Variants in IAH1 observed in about 807,000 individuals in gnomAD.
IAH1 encodes the protein isoamyl acetate hydrolyzing esterase 1 (putative).
In IAH1, 24 loss-of-function variants were observed where a neutral mutation model predicts 26.7. The observed-to-expected ratio is 0.90, with a 90% confidence interval of 0.65 to 1.26. The LOEUF is 1.26. Ranked by LOEUF, IAH1 falls within the 50% of genes most tolerant of loss-of-function variation. The probability of loss-of-function intolerance (pLI) is 0.00; values close to 1 mark genes in which losing one functional copy is unlikely to be tolerated. For missense variants in IAH1, 300 were observed against 299.9 expected (o/e 1.00, Z 0.00); for synonymous variants, 140 against 118.5 (o/e 1.18, Z -1.18).
the IAH1 span, among the ~76,000 whole-genome samples, chr2:9,504,306 G>A: frequency 3.3e-5 from 5 of 151,816 alleles, no homozygotes; most frequent in African/African-American, 9.7e-5. Context: ...TCAGCCAGGC[G>A]TGATGGTGCG....
At chr2:9,485,053 C>G (rs1572849368) in intron 5 of IAH1, 1 of 154,132 alleles carries the variant, frequency 6.5e-6, no homozygotes, top group Non-Finnish European at 1.4e-5. Flanking sequence ...CACACATACA[C>G]TTAGGGAGGA....
chr2:9,483,377 G>T (rs1185512019), intron 4 of IAH1, among the ~76,000 whole-genome samples: 1 of 152,152 alleles, frequency 6.6e-6, no homozygotes, highest in Non-Finnish European at 1.5e-5. Flanking sequence ...CCAAGTAGCT[G>T]GAACCACAGG....
downstream of IAH1, among the ~76,000 whole-genome samples, chr2:9,498,606 A>G (rs117247273): frequency 2.1e-4 from 32 of 152,332 alleles, no homozygotes; most frequent in East Asian, 5.4e-3. Context: ...GTTTCAAACA[A>G]AAGTGATGGT....
chr2:9,488,353 G>A lies in IAH1; in HGVS notation c.*24G>A, dbSNP rs1661753707. The A allele has an allele frequency of 1.3e-6, 2 of 1,558,150 alleles. No individual in the cohort carries two copies. Among genetic ancestry groups the A allele is most frequent in the Admixed American group, 2.1e-5 (1 of 48,048 alleles). On this transcript the variant is annotated 3_prime_UTR_variant, in exon 6 of 6. Coordinates refer to ENST00000497473, the MANE Select transcript of IAH1 (RefSeq NM_001039613.3). ...AGCCAATCACAGGAGACCCAAATCT[G>A]CTTGTTATCTACAGAACTCAAAGTT...
At position 9,484,490 on chromosome 2, in the gene IAH1, AG is replaced by A; in HGVS notation, c.505del (p.Val169TrpfsTer15). ...GTGAATATGCCAATGCGTGTTTACA[AG>A]TGGCCCAAGACTGTGGGACTGACGT... is the stretch of plus-strand genomic sequence containing the variant. The part of the protein sequence containing the change: ...VGEYANACLQ[V>X]AQDCGTDVLD... On this transcript the variant is annotated frameshift_variant, in exon 5 of 6. Coordinates refer to ENST00000497473, the MANE Select transcript of IAH1 (RefSeq NM_001039613.3). LOFTEE classifies it high-confidence loss of function. 1 of 1,614,212 alleles carries A rather than the reference AG, an allele frequency of 6.2e-7. No individual in the cohort carries two copies. The highest frequency in any genetic ancestry group is 8.5e-7 in the Non-Finnish European group (1 of 1,180,038).
the IAH1 span, among the ~76,000 whole-genome samples, chr2:9,504,653 T>A: frequency 2.7e-5 from 4 of 148,612 alleles, no homozygotes; most frequent in Non-Finnish European, 5.9e-5. Context: ...GTCCCACTAC[T>A]CAGGAGGCTA....
chr2:9,510,936 C>T, the IAH1 span, among the ~76,000 whole-genome samples: 2 of 152,162 alleles, frequency 1.3e-5, no homozygotes, highest in Non-Finnish European at 2.9e-5. Flanking sequence ...TAAGTAGTAA[C>T]AAATCAATTT....
In IAH1 at chr2:9,474,862, G is replaced by T; in HGVS notation, c.81+215G>T. ...GGAGGTCACGACGGCGTCCGCGAGA[G>T]CCCGGGCTCCAGGCACAGACGCGAG... On this transcript the variant is annotated intron_variant, in intron 1 of 5. Transcript: ENST00000497473. This position sits in a 1 kb window ranked among gnomAD's most constrained non-coding sequence, Gnocchi z 4.3. 1.9e-6 allele frequency: 1 copy of T among 530,270 alleles called. No homozygotes were observed. The highest frequency in any genetic ancestry group is 2.9e-6 in the Non-Finnish European group (1 of 349,878). 32.8% of individuals were successfully genotyped at this position (530,270 alleles called of 1,614,324 possible).
At chr2:9,499,113 C>CTTTT (rs59259119), downstream of IAH1, among the ~76,000 whole-genome samples, 47 of 47,526 alleles carry the variant, frequency 9.9e-4, no homozygotes, top group African/African-American at 1.8e-3. Context: ...CTTTCTTCTT[C>CTTTT]TTTTTTTTTT....
chr2:9,490,236 C>G (rs761391373), downstream of IAH1: 25 of 1,609,752 alleles, frequency 1.6e-5, 1 homozygote, highest in Admixed American at 6.7e-5. Context: ...AAGGAGGCAG[C>G]CTTTTCACTT....
Position 9,478,362 on chromosome 2 carries a change from C to A in IAH1, c.275C>A (p.Ala92Glu). ...ATTTTCTTTGGGGCCAATGACAGTG[C>A]ACTAAAAGGTAAAAGCATTTTTGAT... ...VTIFFGANDS[A>E]LKDENPKQHI... Residue 92 changes from alanine to glutamate, a missense_variant, in exon 3 of 6, where the codon GCA becomes GAA. By Grantham distance (107) the Ala-to-Glu change is moderately radical. Transcript: ENST00000497473. The A allele has an allele frequency of 6.3e-7, 1 of 1,597,950 alleles. No individual in the cohort carries two copies. Among genetic ancestry groups the A allele is most frequent in the Non-Finnish European group, 8.5e-7 (1 of 1,172,078 alleles).
Position 9,489,259 on chromosome 2 carries a change from A to ATTTTTTTTTTTTTTTTTT in IAH1, c.*937_*954dup, listed in dbSNP as rs34525911. On this transcript the variant is annotated 3_prime_UTR_variant, in exon 6 of 6. Transcript: ENST00000497473. ...AATATTCTAGGTTTGTAGATAGTGA[A>ATTTTTTTTTTTTTTTTTT]TTTTTTTTTTTTTTTTTTTTTTTTG... 70 of 87,400 alleles carry ATTTTTTTTTTTTTTTTTT rather than the reference A, an allele frequency of 8.0e-4. 9 individuals carry two copies. Among genetic ancestry groups the ATTTTTTTTTTTTTTTTTT allele is most frequent in the African/African-American group, 4.4e-3 (69 of 15,530 alleles). 5.4% of individuals were successfully genotyped at this position (87,400 alleles called of 1,614,324 possible).
the IAH1 span, among the ~76,000 whole-genome samples, chr2:9,509,826 CA>C: frequency 6.6e-6 from 1 of 152,112 alleles, no homozygotes; most frequent in Non-Finnish European, 1.5e-5. Flanking sequence ...TGCTTCACCC[CA>C]AAACACACAA....
Position 9,474,664 on chromosome 2 carries a change from G to T in IAH1, c.81+17G>T. ...ATCACCCAGGTACGGCCGCCCCGAC[G>T]CTCGGCCTCCCGCCCCGGCCTCCCT... On this transcript the variant is annotated intron_variant, in intron 1 of 5. Transcript: ENST00000497473. The surrounding 1 kb of genome is among the most constrained non-coding windows in gnomAD (Gnocchi z 4.3). 1 of 1,527,922 alleles carries T rather than the reference G, an allele frequency of 6.5e-7. No individual in the cohort carries two copies. The highest frequency in any genetic ancestry group is 8.8e-7 in the Non-Finnish European group (1 of 1,139,024). The allele number at this position is 1,527,922 out of a possible 1,614,324, so 94.6% of individuals were successfully genotyped here. A position where few individuals can be genotyped will look rare whatever the true frequency, so the allele number is the denominator to read the frequency against.
intron 6 of IAH1, among the ~76,000 whole-genome samples, chr2:9,495,995 C>T (rs994924684): frequency 1.3e-5 from 2 of 151,556 alleles, no homozygotes; most frequent in African/African-American, 4.9e-5. Context: ...ACACTGCCCT[C>T]AACCTATCTT....
At chr2:9,495,162 G>A (rs1662477027) in intron 6 of IAH1, among the ~76,000 whole-genome samples, 1 of 152,216 alleles carries the variant, frequency 6.6e-6, no homozygotes. Flanking sequence ...GGCCCACACT[G>A]GCTCCCTGAA....
intron 3 of IAH1, 76 bp from the exon 4 acceptor site, chr2:9,481,210 T>G: frequency 6.7e-7 from 1 of 1,494,620 alleles, no homozygotes; most frequent in Admixed American, 1.8e-5. Flanking sequence ...AACAGGCATT[T>G]GCAGAAGTGT....
chr2:9,505,887 G>A, the IAH1 span, among the ~76,000 whole-genome samples: 1 of 152,198 alleles, frequency 6.6e-6, no homozygotes, highest in Non-Finnish European at 1.5e-5. Flanking sequence ...TTTGAGCTTA[G>A]TAATAGGCAT....
intron 1 of IAH1, chr2:9,475,582 G>C: frequency 4.2e-6 from 1 of 236,124 alleles, no homozygotes; most frequent in Non-Finnish European, 8.6e-6. Flanking sequence ...CTCACTGCAA[G>C]CTCCGCCTCC....
Sources: gnomAD v4.1 joint callset for allele counts (sites outside exome capture counted in the v4.1 genomes callset) on GRCh38, gnomAD v4.1.1 for gene constraint, Gnocchi (gnomAD v3.1) non-coding constraint, MANE v1.5 for transcripts, NCBI Gene and HGNC (gene_info 2026-07-23, HGNC 2026-07-21) for gene names.